Variants in SIPA1L3 observed in about 807,000 individuals in gnomAD.
The protein encoded by SIPA1L3 is signal-induced proliferation-associated 1-like protein 3.
In SIPA1L3, 59 loss-of-function variants were observed where a neutral mutation model predicts 150.1. That is an observed-to-expected ratio of 0.39 (90% CI 0.32 to 0.49). SIPA1L3 has a LOEUF of 0.49. Ranked by LOEUF, SIPA1L3 falls within the 20% of genes least tolerant of loss-of-function variation. The pLI, the probability that SIPA1L3 is intolerant of heterozygous loss-of-function variation, is 0.86. For synonymous variants in SIPA1L3, 1,070 were observed against 1,077.6 expected, an observed-to-expected ratio of 0.99 and a Z score of 0.14; for missense variants, 2,211 against 2,489.5, an observed-to-expected ratio of 0.89 and a Z score of 2.38.
chr19:38,039,952 C>T (rs79170622), intron 2 of SIPA1L3, among the ~76,000 whole-genome samples: 7,853 of 151,810 alleles, frequency 0.052, 295 homozygotes, highest in East Asian at 0.1. Flanking sequence ...CGCATCTCTA[C>T]AAAGAAAAAA....
At chr19:38,139,006 G>A (rs994886913) in intron 10 of SIPA1L3, among the ~76,000 whole-genome samples, 13 of 151,754 alleles carry the variant, frequency 8.6e-5, no homozygotes, top group African/African-American at 3.1e-4. Context: ...GACCAGCCTG[G>A]GCAACATGGT....
rs2304133 is a variant in SIPA1L3 at position 38,164,809 on chromosome 19, G to A, written c.4111G>A (p.Gly1371Ser). ...REVSPAPAVA[G>S]QSKGYRPKLY... ...GGTCTCCCCTGCCCCCGCAGTTGCC[G>A]GCCAAAGCAAGGGCTACCGACCGAA... is the stretch of plus-strand genomic sequence containing the variant. The change falls in exon 15 of 22, where the codon GGC (glycine) becomes AGC (serine). Residue 1371 changes from glycine (G) to serine (S), a missense_variant. Around this residue, in one of 5 missense-constraint regions of SIPA1L3, gnomAD observed 806 missense variants for 870.1 expected, o/e 0.93. Transcript: ENST00000222345. This position sits in a 1 kb window ranked among gnomAD's most constrained non-coding sequence, Gnocchi z 4.1. The A allele has an allele frequency of 7.2e-4, 1,160 of 1,611,424 alleles. 13 individuals carry two copies. The East Asian group carries it at 0.021, about 30-fold the overall frequency.
intron 18 of SIPA1L3, among the ~76,000 whole-genome samples, chr19:38,195,791 CG>C (rs1972909728): frequency 1.8e-4 from 21 of 114,260 alleles, no homozygotes; most frequent in Non-Finnish European, 2.4e-4. Flanking sequence ...CCACAGGCCC[CG>C]TCCCCCCCCG....
intron 1 of SIPA1L3, among the ~76,000 whole-genome samples, chr19:38,003,317 C>T (rs922186065): frequency 9.2e-5 from 14 of 152,182 alleles, no homozygotes; most frequent in African/African-American, 3.1e-4. Flanking sequence ...GTACTGTGTT[C>T]TGCGTGCTCT....
In SIPA1L3 at chr19:38,058,883, G is replaced by T. The variant is rs1599970810; in HGVS notation, c.-310-22373G>T. ...CTACTAAAAATAGAAAATTAGCCAG[G>T]CGTGGTGGTGCATGCCTGTAATCCC... On this transcript the variant is annotated intron_variant, in intron 2 of 21. Transcript: ENST00000222345. Among the ~76,000 whole-genome samples the T allele has an allele frequency of 4.6e-5, 7 of 152,190 alleles. No individual in the cohort carries two copies. In the South Asian group the frequency reaches 1.5e-3, roughly 32 times the overall value.
intron 18 of SIPA1L3, 30 bp from the exon 19 acceptor site, chr19:38,198,359 A>G (rs754494798): frequency 6.7e-7 from 1 of 1,498,550 alleles, no homozygotes; most frequent in Admixed American, 2.3e-5. Context: ...GTCACACTCA[A>G]CCACTGCCAT....
chr19:38,085,635 A>G, intron 3 of SIPA1L3, among the ~76,000 whole-genome samples: 1 of 152,232 alleles, frequency 6.6e-6, no homozygotes. Context: ...TTCGCCAAGA[A>G]ATTCTGGTAG....
intron 2 of SIPA1L3, among the ~76,000 whole-genome samples, chr19:38,029,378 A>G (rs930787155): frequency 2.0e-5 from 3 of 152,134 alleles, no homozygotes; most frequent in African/African-American, 7.2e-5. Context: ...TCCTACATGC[A>G]CATATACACA....
intron 2 of SIPA1L3, among the ~76,000 whole-genome samples, chr19:38,044,739 G>A (rs1969013757): frequency 6.6e-6 from 1 of 152,108 alleles, no homozygotes; most frequent in Non-Finnish European, 1.5e-5. Flanking sequence ...CTTGGAATTG[G>A]GGGTCGTCAC....
In SIPA1L3 at chr19:38,163,489, C is replaced by CAAAA. The variant is rs34366358; in HGVS notation, c.3781-971_3781-968dup. Reference sequence around the variant, plus strand: ...TGAGCGACAGAGTGAGACTCTATCTCAAAAAAAAAAAAAAAAAAAAAACAG... The same window carrying CAAAA: ...TGAGCGACAGAGTGAGACTCTATCTCAAAAAAAAAAAAAAAAAAAAAAAAAACAG... On this transcript the variant is annotated intron_variant, in intron 14 of 21. Coordinates refer to ENST00000222345, the MANE Select transcript of SIPA1L3 (RefSeq NM_015073.3). 2.0e-3 allele frequency among the ~76,000 whole-genome samples: 100 copies of CAAAA among 51,276 alleles called. 1 individual carries two copies. Among genetic ancestry groups the CAAAA allele is most frequent in the African/African-American group, 6.8e-3 (92 of 13,522 alleles). 33.6% of individuals were successfully genotyped at this position (51,276 alleles called of 152,430 possible).
chr19:38,081,975 C>T lies in SIPA1L3; in HGVS notation c.410C>T (p.Ala137Val), dbSNP rs752542851. ...ACCCCGGCTTCCTCAGGGTCCAAAG[C>T]CTTCCACCGACTCTCCAGGAGAAGG... ...TSTPASSGSK[A>V]FHRLSRRRSK... The change falls in exon 3 of 22, where the codon GCC (alanine) becomes GTC (valine). Residue 137 changes from alanine (A) to valine (V), a missense_variant. By Grantham distance (64) the Ala-to-Val change is moderately conservative. Coordinates refer to ENST00000222345, the MANE Select transcript of SIPA1L3 (RefSeq NM_015073.3). The T allele has an allele frequency of 1.2e-4, 200 of 1,614,028 alleles. No homozygotes were observed. The highest frequency in any genetic ancestry group is 1.6e-4 in the Non-Finnish European group (191 of 1,179,998).
chr19:38,059,633 T>C (rs1196242883), intron 2 of SIPA1L3, among the ~76,000 whole-genome samples: 1 of 152,154 alleles, frequency 6.6e-6, no homozygotes, highest in East Asian at 1.9e-4. Context: ...TATTGTGAAA[T>C]GGAACATACA....
intron 1 of SIPA1L3, chr19:37,932,623 TCCACCTGGGGCTCCCCTGACAG>T (rs1268934104): frequency 6.6e-6 from 1 of 151,724 alleles, no homozygotes; most frequent in African/African-American, 2.4e-5. Context: ...ACAGGAGGAG[TCCACCTGGGGCTCCCCTGACAG>T]CCACCTGCCC....
In SIPA1L3 at chr19:38,089,533, A is replaced by G. The variant is rs76187961; in HGVS notation, c.1665+682A>G. Among the ~76,000 whole-genome samples, 16 of 152,260 alleles carry G rather than the reference A, an allele frequency of 1.1e-4. No individual in the cohort carries two copies. The East Asian group carries it at 2.7e-3, about 26-fold the overall frequency. Reference sequence around the variant, plus strand: ...TTTAGGAACATGAGGTGTCCTACGTAATGGAAAGAATTAAGGCAACAAGCC... The same window carrying G: ...TTTAGGAACATGAGGTGTCCTACGTGATGGAAAGAATTAAGGCAACAAGCC... On this transcript the variant is annotated intron_variant, in intron 4 of 21. Transcript: ENST00000222345.
rs775887731 is a variant in SIPA1L3 at position 38,163,295 on chromosome 19, GC to G, written c.3780+926del. ...ACCTGCAGTCAGGAGTTCGAGACCA[GC>G]CTGGGCAACCTAGTAAAACCCCGTC... is the stretch of plus-strand genomic sequence containing the variant. On this transcript the variant is annotated intron_variant, in intron 14 of 21. Coordinates refer to ENST00000222345, the MANE Select transcript of SIPA1L3 (RefSeq NM_015073.3). Among the ~76,000 whole-genome samples, 210 of 152,094 alleles carry G rather than the reference GC, an allele frequency of 1.4e-3. 2 individuals are homozygous for G. The highest frequency in any genetic ancestry group is 1.3e-3 in the Non-Finnish European group (89 of 68,008).
rs1220287852 is a variant in SIPA1L3, at chr19:37,941,605, C to T, written c.-379+34247C>T. ...GTCCAGTCATCTCATTGTGTGGGCA[C>T]GGCTGCTCCAGGCCTTACCTTTGAC... On this transcript the variant is annotated intron_variant, in intron 1 of 21. Coordinates refer to ENST00000222345, the MANE Select transcript of SIPA1L3 (RefSeq NM_015073.3). 2.0e-5 allele frequency among the ~76,000 whole-genome samples: 3 copies of T among 152,254 alleles called. No individual in the cohort carries two copies. The East Asian group carries it at 5.8e-4, about 29-fold the overall frequency.
intron 1 of SIPA1L3, among the ~76,000 whole-genome samples, chr19:37,933,779 C>A (rs1300166104): frequency 6.6e-6 from 1 of 152,192 alleles, no homozygotes; most frequent in Non-Finnish European, 1.5e-5. Flanking sequence ...TCTGTGCAGC[C>A]CAGGCCTGGT....
intron 3 of SIPA1L3, 92 bp downstream of exon 3, chr19:38,083,191 T>C: frequency 1.6e-6 from 2 of 1,269,624 alleles, no homozygotes; most frequent in Non-Finnish European, 2.2e-6. Context: ...TGCCAGGCCC[T>C]GCTCTGGCAC....
At chr19:38,103,064 A>C (rs1207579488) in intron 6 of SIPA1L3, among the ~76,000 whole-genome samples, 1 of 151,752 alleles carries the variant, frequency 6.6e-6, no homozygotes, top group Non-Finnish European at 1.5e-5. Flanking sequence ...CAGAGGTTGC[A>C]GTGAGCCAAG....
Sources: gnomAD v4.1 joint callset for allele counts (sites outside exome capture counted in the v4.1 genomes callset) on GRCh38, gnomAD v4.1.1 for gene constraint, gnomAD v4.1.1 regional missense constraint, Gnocchi (gnomAD v3.1) non-coding constraint, MANE v1.5 for transcripts, NCBI Gene and HGNC (gene_info 2026-07-23, HGNC 2026-07-21) for gene names.